Variants in UNC13C observed in about 807,000 individuals in gnomAD.
UNC13C encodes unc-13 homolog C, also known as protein unc-13 homolog C.
A neutral mutation model predicts 245.4 loss-of-function variants in UNC13C; 174 were observed. The observed-to-expected ratio is 0.71, with a 90% CI of 0.63 to 0.80. The LOEUF (loss-of-function observed/expected upper bound fraction) is 0.80. Ranked by LOEUF, UNC13C falls within the 30% of genes least tolerant of loss-of-function variation. The pLI is 0.00. For synonymous variants in UNC13C, 992 were observed against 895.1 expected, an observed-to-expected ratio of 1.11 and a Z score of -1.93; for missense variants, 2,829 against 2,602.9, an observed-to-expected ratio of 1.09 and a Z score of -1.89.
At chr15:54,399,281 A>G (rs2040132986) in intron 18 of UNC13C, among the ~76,000 whole-genome samples, 1 of 151,744 alleles carries the variant, frequency 6.6e-6, no homozygotes, top group Admixed American at 6.6e-5. Flanking sequence ...CAAGCATTAT[A>G]TGCAACAGAC....
At chr15:54,040,050 G>A (rs1013484601) in intron 2 of UNC13C, among the ~76,000 whole-genome samples, 1 of 151,354 alleles carries the variant, frequency 6.6e-6, no homozygotes, top group African/African-American at 2.4e-5. Flanking sequence ...TGGCCTTTAC[G>A]CTCTTTCCTC....
intron 28 of UNC13C, among the ~76,000 whole-genome samples, chr15:54,550,311 C>A (rs1230375272): frequency 6.6e-6 from 1 of 152,076 alleles, no homozygotes; most frequent in Non-Finnish European, 1.5e-5. Context: ...AAGTATTTAA[C>A]CTCCCTAATC....
chr15:54,036,162 A>C (rs955697666), intron 2 of UNC13C, among the ~76,000 whole-genome samples: 8 of 152,170 alleles, frequency 5.3e-5, no homozygotes, highest in Admixed American at 3.9e-4. Context: ...GATGTGAGAA[A>C]TTAACCGCAA....
chr15:54,119,392 A>G (rs982469212), intron 2 of UNC13C, among the ~76,000 whole-genome samples: 1 of 152,100 alleles, frequency 6.6e-6, no homozygotes, highest in East Asian at 1.9e-4. Flanking sequence ...CTTTGATATT[A>G]CTATTGTAAT....
chr15:54,306,089 A>ATCTTTT (rs1279050358), intron 13 of UNC13C, among the ~76,000 whole-genome samples: 1 of 152,042 alleles, frequency 6.6e-6, no homozygotes. Flanking sequence ...CAGACAAAAG[A>ATCTTTT]GTCTGAAACT....
intron 26 of UNC13C, among the ~76,000 whole-genome samples, chr15:54,539,132 A>T (rs1453412812): frequency 7.9e-5 from 12 of 152,222 alleles, no homozygotes; most frequent in Admixed American, 7.2e-4. Context: ...GATAAAAAAG[A>T]AATAACTCAT....
In UNC13C at chr15:54,622,425, C is replaced by G; in HGVS notation, c.6199+6C>G. ...TCATAAAGTCACTGTAAAAGGTATA[C>G]TTCTGGTCTAGATAAATCAAAACAG... On this transcript the variant is annotated splice_donor_region_variant and intron_variant, in intron 31 of 32. Transcript: ENST00000260323. The G allele has an allele frequency of 6.2e-7, 1 of 1,605,146 alleles. No homozygotes were observed. The highest frequency in any genetic ancestry group is 2.2e-5 in the East Asian group (1 of 44,814).
At chr15:53,914,982 A>G in the UNC13C span, among the ~76,000 whole-genome samples, 1 of 152,282 alleles carries the variant, frequency 6.6e-6, no homozygotes, top group African/African-American at 2.4e-5. Flanking sequence ...TTCAATACCT[A>G]AAGTATAAGA....
At chr15:54,412,734 C>G (rs2040441080) in intron 18 of UNC13C, among the ~76,000 whole-genome samples, 1 of 152,070 alleles carries the variant, frequency 6.6e-6, no homozygotes, top group South Asian at 2.1e-4. Flanking sequence ...ACCATGTTGT[C>G]TGTGAAAAGT....
chr15:54,217,669 T>G (rs1235096962), intron 4 of UNC13C, among the ~76,000 whole-genome samples: 2 of 152,082 alleles, frequency 1.3e-5, no homozygotes, highest in Non-Finnish European at 2.9e-5. Flanking sequence ...CTGTATTATC[T>G]CCATCAGTGC....
the UNC13C span, among the ~76,000 whole-genome samples, chr15:53,946,639 T>G: frequency 6.6e-6 from 1 of 150,566 alleles, no homozygotes; most frequent in Non-Finnish European, 1.5e-5. Context: ...AAGAATCACT[T>G]GAACCTGGGA....
intron 4 of UNC13C, among the ~76,000 whole-genome samples, chr15:54,234,259 T>TATATAC (rs2035629941): frequency 6.8e-6 from 1 of 147,242 alleles, no homozygotes; most frequent in African/African-American, 2.5e-5. Context: ...TATATATATA[T>TATATAC]GGGAGTGTAC....
chr15:54,315,439 T>A (rs1204688341), intron 13 of UNC13C, among the ~76,000 whole-genome samples: 1 of 151,666 alleles, frequency 6.6e-6, no homozygotes, highest in Non-Finnish European at 1.5e-5. Flanking sequence ...GATTCCAGTT[T>A]CCTGGGTTTA....
intron 22 of UNC13C, 21 bp downstream of exon 22, chr15:54,500,999 C>A (rs777645613): frequency 1.9e-6 from 3 of 1,608,250 alleles, no homozygotes; most frequent in South Asian, 1.1e-5. Context: ...TAAAATGAGT[C>A]TTCTTTTTCT....
At chr15:53,930,368 G>A in the UNC13C span, among the ~76,000 whole-genome samples, 1 of 152,240 alleles carries the variant, frequency 6.6e-6, no homozygotes, top group Non-Finnish European at 1.5e-5. Flanking sequence ...CAGATTCAAA[G>A]GAGGGGAAAT....
chr15:54,260,380 A>G (rs958071730), intron 8 of UNC13C, among the ~76,000 whole-genome samples: 1 of 152,076 alleles, frequency 6.6e-6, no homozygotes, highest in Non-Finnish European at 1.5e-5. Context: ...AGATAAGATC[A>G]TATGCTGAGA....
intron 4 of UNC13C, among the ~76,000 whole-genome samples, chr15:54,216,897 A>G (rs145891751): frequency 6.6e-6 from 1 of 152,090 alleles, no homozygotes; most frequent in East Asian, 1.9e-4. Context: ...TGATCATGAC[A>G]ACACAAGAAC....
At chr15:54,327,623 TAGAGCTCAACTCCA>T (rs2038331784) in intron 14 of UNC13C, among the ~76,000 whole-genome samples, 1 of 152,060 alleles carries the variant, frequency 6.6e-6, no homozygotes, top group Admixed American at 6.6e-5. Flanking sequence ...AGAGCTCAAT[TAGAGCTCAACTCCA>T]CTGAAATGAA....
chr15:54,238,595 A>G (rs2035769787), intron 7 of UNC13C, among the ~76,000 whole-genome samples: 8 of 152,258 alleles, frequency 5.3e-5, no homozygotes, highest in African/African-American at 1.9e-4. Context: ...TTAGGTTATA[A>G]TAAGCAATAC....
Sources: allele counts gnomAD v4.1 joint callset (sites outside exome capture counted in the v4.1 genomes callset), GRCh38; gene constraint gnomAD v4.1.1; transcripts MANE v1.5; gene names NCBI Gene and HGNC (gene_info 2026-07-23, HGNC 2026-07-21).